The following STXBP5 variants were observed in gnomAD, a reference collection of about 807,000 sequenced individuals.
STXBP5 encodes the protein syntaxin-binding protein 5.
In STXBP5, 50 loss-of-function variants were observed where a neutral mutation model predicts 152.4. The ratio of observed to expected loss-of-function variants is 0.33; its 90% CI spans 0.26 to 0.42. The LOEUF is 0.42. STXBP5 is among the 10% of genes least tolerant of loss of function. The pLI is 1.00. For synonymous variants in STXBP5, 492 were observed against 494.7 expected (o/e 0.99, Z 0.07); for missense variants, 1,167 against 1,388.6 (o/e 0.84, Z 2.54).
intron 22 of STXBP5, among the ~76,000 whole-genome samples, chr6:147,355,347 A>G (rs527851392): frequency 1.3e-5 from 2 of 152,324 alleles, no homozygotes; most frequent in African/African-American, 4.8e-5. Flanking sequence ...AAAGTGATAC[A>G]TACAAGTAGC....
At chr6:147,297,451 A>G (rs1781583453) in intron 9 of STXBP5, among the ~76,000 whole-genome samples, 1 of 152,204 alleles carries the variant, frequency 6.6e-6, no homozygotes, top group Non-Finnish European at 1.5e-5. Context: ...AGAAATGATT[A>G]TGCTGAGTCC....
At chr6:147,379,373 G>A (rs1785966533) in intron 26 of STXBP5, among the ~76,000 whole-genome samples, 1 of 152,046 alleles carries the variant, frequency 6.6e-6, no homozygotes, top group Admixed American at 6.6e-5. Context: ...GAATCTCCAT[G>A]GGGAAAGTAG....
At chr6:147,232,367 A>G (rs1778048040) in intron 2 of STXBP5, among the ~76,000 whole-genome samples, 1 of 151,870 alleles carries the variant, frequency 6.6e-6, no homozygotes, top group African/African-American at 2.4e-5. Flanking sequence ...CTACCAGGAT[A>G]GGGAACTACT....
Position 147,384,710 on chromosome 6 carries a change from T to C in STXBP5, c.3415-4T>C, listed in dbSNP as rs767734101. 3 of 1,611,242 alleles carry C rather than the reference T, an allele frequency of 1.9e-6. No individual in the cohort carries two copies. The highest frequency in any genetic ancestry group is 1.3e-5 in the African/African-American group (1 of 74,730). On this transcript the variant is annotated splice_polypyrimidine_tract_variant and splice_region_variant and intron_variant, in intron 27 of 27. Transcript: ENST00000321680. ...GCATGTTTTTCTTTTTTTTCCCCCT[T>C]TAGATTATGTTGAAATACAAAGATA...
Position 147,217,291 on chromosome 6 carries a change from T to G in STXBP5, c.248+11223T>G, listed in dbSNP as rs185148131. Among the ~76,000 whole-genome samples the G allele has an allele frequency of 4.4e-3, 675 of 152,356 alleles. 2 individuals are homozygous for G. The highest frequency in any genetic ancestry group is 9.0e-3 in the Admixed American group (137 of 15,298). The stretch of plus-strand genomic sequence containing the variant: ...TGTATTTTTCATAATGTGTTGTATT[T>G]TTCTTTTAAAATTCACTTAACATAC... On this transcript the variant is annotated intron_variant, in intron 2 of 27. Transcript: ENST00000321680.
intron 10 of STXBP5, among the ~76,000 whole-genome samples, chr6:147,311,108 T>C (rs1436605427): frequency 6.6e-6 from 1 of 152,182 alleles, no homozygotes; most frequent in Non-Finnish European, 1.5e-5. Flanking sequence ...AAGATAGTAT[T>C]ATAGTAGAAC....
intron 4 of STXBP5, among the ~76,000 whole-genome samples, chr6:147,247,853 A>G (rs1229544980): frequency 3.3e-5 from 5 of 152,212 alleles, no homozygotes; most frequent in African/African-American, 1.2e-4. Flanking sequence ...GGGGAAATAT[A>G]TTTAAAGAGA....
intron 4 of STXBP5, among the ~76,000 whole-genome samples, chr6:147,259,505 A>C (rs945186582): frequency 6.6e-6 from 1 of 152,164 alleles, no homozygotes; most frequent in African/African-American, 2.4e-5. Context: ...ACTGAACATT[A>C]CCTCTAAGAA....
chr6:147,384,933 G>C lies in STXBP5; in HGVS notation c.*178G>C. Reference sequence around the variant, plus strand: ...GGCTTTAACTGAGGAGTGTTCACACGCACTCGAAATGGAGTATATGGTGTG... The same window carrying C: ...GGCTTTAACTGAGGAGTGTTCACACCCACTCGAAATGGAGTATATGGTGTG... On this transcript the variant is annotated 3_prime_UTR_variant, in exon 28 of 28. Transcript: ENST00000321680. The C allele has an allele frequency of 3.1e-6, 2 of 644,834 alleles. No individual in the cohort carries two copies. Among genetic ancestry groups the C allele is most frequent in the Non-Finnish European group, 5.5e-6 (2 of 363,274 alleles). The allele number at this position is 644,834 out of a possible 1,614,324, so 39.9% of individuals were successfully genotyped here. A position where few individuals can be genotyped will look rare whatever the true frequency, so the allele number is the denominator to read the frequency against.
chr6:147,284,722 A>C (rs934770742), intron 8 of STXBP5, among the ~76,000 whole-genome samples: 3 of 152,226 alleles, frequency 2.0e-5, no homozygotes, highest in Admixed American at 2.0e-4. Context: ...GTTCTTGGAA[A>C]ACTGCTAATA....
Position 147,325,006 on chromosome 6 carries a change from T to A in STXBP5, c.1850T>A (p.Leu617Gln). 6.3e-7 allele frequency: 1 copy of A among 1,599,426 alleles called. No homozygotes were observed. The highest frequency in any genetic ancestry group is 8.5e-7 in the Non-Finnish European group (1 of 1,171,014). The part of the protein sequence containing the change: ...LKQSPGYQTE[L>Q]VIQLVWVGGE... Reference sequence around the variant, plus strand: ...CAGTCTCCAGGTTATCAAACAGAACTAGTTATTCAGTTGGTTTGGGTGGGT... The same window carrying A: ...CAGTCTCCAGGTTATCAAACAGAACAAGTTATTCAGTTGGTTTGGGTGGGT... Residue 617 changes from leucine (L) to glutamine (Q), a missense_variant, in exon 17 of 28, where the codon CTA becomes CAA. By Grantham distance (113) the Leu-to-Gln change is moderately radical. Transcript: ENST00000321680.
At position 147,207,167 on chromosome 6, in the gene STXBP5, T is replaced by C. The variant is rs578130724; in HGVS notation, c.248+1099T>C. Reference sequence around the variant, plus strand: ...GTTAAACATGTGCCAGGCATTTTACTTACATTTTAAAGTCATTATTTCAAA... The same window carrying C: ...GTTAAACATGTGCCAGGCATTTTACCTACATTTTAAAGTCATTATTTCAAA... On this transcript the variant is annotated intron_variant, in intron 2 of 27. Coordinates refer to ENST00000321680, the MANE Select transcript of STXBP5 (RefSeq NM_001127715.4). Among the ~76,000 whole-genome samples the C allele has an allele frequency of 4.6e-5, 7 of 152,310 alleles. No homozygotes were observed. The South Asian group carries it at 1.4e-3, about 32-fold the overall frequency.
chr6:147,314,184 C>A, intron 12 of STXBP5, 80 bp from the exon 13 acceptor site: 1 of 850,792 alleles, frequency 1.2e-6, no homozygotes, highest in South Asian at 1.8e-5. Context: ...GGATTATTTA[C>A]ACACACACAC....
At chr6:147,309,067 C>T (rs150515343) in intron 9 of STXBP5, among the ~76,000 whole-genome samples, 50 of 152,140 alleles carry the variant, frequency 3.3e-4, no homozygotes, top group East Asian at 1.9e-3. Flanking sequence ...GAAATTAAGC[C>T]AGAGCTAAGA....
chr6:147,315,229 A>C (rs1175788579), intron 14 of STXBP5, among the ~76,000 whole-genome samples: 2 of 152,202 alleles, frequency 1.3e-5, no homozygotes, highest in Non-Finnish European at 2.9e-5. Flanking sequence ...ATGTATTTAC[A>C]CATTATTTTT....
chr6:147,262,991 T>C (rs184460976), intron 6 of STXBP5, among the ~76,000 whole-genome samples: 54 of 152,164 alleles, frequency 3.5e-4, no homozygotes, highest in Admixed American at 3.3e-3. Context: ...TCTACCTATA[T>C]AATTTTATGA....
At chr6:147,374,029 C>G (rs965085177) in intron 26 of STXBP5, among the ~76,000 whole-genome samples, 187 bp downstream of exon 26, 1 of 152,000 alleles carries the variant, frequency 6.6e-6, no homozygotes, top group Non-Finnish European at 1.5e-5. Context: ...ATACTTTACT[C>G]AAGGAAATAT....
chr6:147,287,194 A>T (rs866179784), intron 8 of STXBP5, among the ~76,000 whole-genome samples: 833 of 75,228 alleles, frequency 0.011, 31 homozygotes, highest in African/African-American at 0.039. Context: ...TTAATTGTAC[A>T]TTTTTTTTTT....
chr6:147,280,895 T>A (rs867214459), intron 8 of STXBP5, among the ~76,000 whole-genome samples: 3 of 152,196 alleles, frequency 2.0e-5, no homozygotes, highest in Admixed American at 2.0e-4. Flanking sequence ...ATTTGTGTAG[T>A]GTTAGCAGTC....
Sources: gnomAD v4.1 joint callset for allele counts (sites outside exome capture counted in the v4.1 genomes callset) on GRCh38, gnomAD v4.1.1 for gene constraint, MANE v1.5 for transcripts, NCBI Gene and HGNC (gene_info 2026-07-23, HGNC 2026-07-21) for gene names.